Variants in FAM13A observed in about 807,000 individuals in gnomAD.
FAM13A encodes the protein protein FAM13A.
In FAM13A, 76 loss-of-function variants were observed where a neutral mutation model predicts 129.6. That is an observed-to-expected ratio of 0.59 (90% confidence interval 0.49 to 0.71). The LOEUF (loss-of-function observed/expected upper bound fraction) is 0.71. Among genes scored for constraint, FAM13A ranks in the 30% least tolerant of loss-of-function variants. The pLI is 0.00. For synonymous variants in FAM13A, 443 were observed against 449.9 expected, an observed-to-expected ratio of 0.98 and a Z score of 0.20; for missense variants, 1,108 against 1,249.3, an observed-to-expected ratio of 0.89 and a Z score of 1.70.
In FAM13A at chr4:88,758,916, C is replaced by T; in HGVS notation, c.1579-15G>A. 6.2e-7 allele frequency: 1 copy of T among 1,611,140 alleles called. No individual in the cohort carries two copies. Among genetic ancestry groups the T allele is most frequent in the Non-Finnish European group, 8.5e-7 (1 of 1,178,270 alleles). The stretch of plus-strand genomic sequence containing the variant: ...ATTGTGGGGCTCTGCAATAACAGCA[C>T]AATGTCCCCAAATATCTACTGCTCA... On this transcript the variant is annotated splice_polypyrimidine_tract_variant and intron_variant, in intron 13 of 23. Transcript: ENST00000264344.
chr4:88,939,899 T>C (rs867841274), intron 4 of FAM13A, among the ~76,000 whole-genome samples: 2 of 152,122 alleles, frequency 1.3e-5, no homozygotes, highest in Non-Finnish European at 2.9e-5. Context: ...TGCCAACAAC[T>C]TGAATGAGCT....
At chr4:88,894,696 A>G (rs946791395) in intron 6 of FAM13A, among the ~76,000 whole-genome samples, 10 of 152,026 alleles carry the variant, frequency 6.6e-5, no homozygotes, top group African/African-American at 2.2e-4. Context: ...TAATTTTTGT[A>G]TTTTGAGTAG....
chr4:88,934,147 TG>T (rs1273282807), intron 5 of FAM13A, among the ~76,000 whole-genome samples: 3 of 152,194 alleles, frequency 2.0e-5, no homozygotes, highest in Non-Finnish European at 4.4e-5. Context: ...AACGTTTTCT[TG>T]TCAATGAAGC....
At chr4:89,052,718 C>T (rs1006530862) in intron 1 of FAM13A, among the ~76,000 whole-genome samples, 1 of 152,032 alleles carries the variant, frequency 6.6e-6, no homozygotes, top group Non-Finnish European at 1.5e-5. Context: ...GTGTTCCCCA[C>T]CTAGAACTCT....
intron 19 of FAM13A, among the ~76,000 whole-genome samples, chr4:88,740,875 A>G (rs778276228): frequency 1.3e-5 from 2 of 152,228 alleles, no homozygotes; most frequent in Non-Finnish European, 2.9e-5. Context: ...TCTACTATGT[A>G]CTATACCATG....
At chr4:88,926,569 G>C (rs1017074225) in intron 5 of FAM13A, among the ~76,000 whole-genome samples, 5 of 152,148 alleles carry the variant, frequency 3.3e-5, no homozygotes, top group African/African-American at 4.8e-5. Flanking sequence ...TAATAGGAAA[G>C]AATGTAATAT....
intron 4 of FAM13A, among the ~76,000 whole-genome samples, chr4:88,981,499 C>A (rs1158115858): frequency 6.6e-6 from 1 of 152,152 alleles, no homozygotes; most frequent in Non-Finnish European, 1.5e-5. Flanking sequence ...AAATCTCTCA[C>A]CTAATCTTAA....
At chr4:88,986,943 T>C (rs1762310111) in intron 4 of FAM13A, among the ~76,000 whole-genome samples, 2 of 152,220 alleles carry the variant, frequency 1.3e-5, no homozygotes, top group Admixed American at 6.5e-5. Flanking sequence ...AAGACCTAGA[T>C]GCAAATAACT....
chr4:88,813,569 T>C (rs1041480701), intron 7 of FAM13A, among the ~76,000 whole-genome samples: 1 of 152,228 alleles, frequency 6.6e-6, no homozygotes, highest in African/African-American at 2.4e-5. Flanking sequence ...AATTATTACC[T>C]TATTGCAAAT....
At chr4:88,859,752 A>G (rs1328290906) in intron 6 of FAM13A, among the ~76,000 whole-genome samples, 2 of 152,158 alleles carry the variant, frequency 1.3e-5, no homozygotes, top group Non-Finnish European at 2.9e-5. Flanking sequence ...TAAGATAGGC[A>G]AGGAGTGGGT....
In FAM13A at chr4:89,053,792, A is replaced by C. The variant is rs118148495; in HGVS notation, c.27+3146T>G. Among the ~76,000 whole-genome samples the C allele has an allele frequency of 5.3e-4, 80 of 152,288 alleles. No homozygotes were observed. The East Asian group carries it at 0.015, about 28-fold the overall frequency. On this transcript the variant is annotated intron_variant, in intron 1 of 23. Transcript: ENST00000264344. ...TAATATCCAGAGTATAAGAATCTACACATGCATTTCAACTCCTCCTTCTTC... is the reference window on the plus strand; with the variant it reads ...TAATATCCAGAGTATAAGAATCTACCCATGCATTTCAACTCCTCCTTCTTC...
At chr4:88,904,010 G>T (rs917695939) in intron 6 of FAM13A, among the ~76,000 whole-genome samples, 1 of 152,098 alleles carries the variant, frequency 6.6e-6, no homozygotes, top group Non-Finnish European at 1.5e-5. Flanking sequence ...CAACAATCAG[G>T]AAAATAAGCT....
chr4:88,974,885 G>A (rs6838424), intron 4 of FAM13A, among the ~76,000 whole-genome samples: 55,287 of 151,862 alleles, frequency 0.36, 10,087 homozygotes, highest in Middle Eastern at 0.5. Context: ...AGTCAGCACA[G>A]TTAGCATCTC....
chr4:88,882,338 A>G (rs1743717878), intron 6 of FAM13A, among the ~76,000 whole-genome samples: 1 of 152,162 alleles, frequency 6.6e-6, no homozygotes, highest in Admixed American at 6.5e-5. Context: ...AGACTGCTTA[A>G]ACAAAGTAAT....
chr4:88,854,721 G>A (rs992382691), intron 6 of FAM13A, among the ~76,000 whole-genome samples: 1 of 152,176 alleles, frequency 6.6e-6, no homozygotes, highest in Non-Finnish European at 1.5e-5. Flanking sequence ...AACAATTACA[G>A]GAATCTCAAA....
intron 5 of FAM13A, among the ~76,000 whole-genome samples, chr4:88,913,022 GGAA>G (rs60618273): frequency 0.25 from 36,591 of 147,512 alleles, 4,587 homozygotes; most frequent in East Asian, 0.44. Context: ...AGGAGGAGGA[GGAA>G]GAAGAAGAAG....
intron 5 of FAM13A, among the ~76,000 whole-genome samples, chr4:88,916,390 G>T (rs1182622227): frequency 6.6e-6 from 1 of 152,038 alleles, no homozygotes; most frequent in African/African-American, 2.4e-5. Context: ...ATCAAAAAAA[G>T]CTTTCCCTAG....
At chr4:88,923,985 C>G (rs1489354499) in intron 5 of FAM13A, among the ~76,000 whole-genome samples, 1 of 152,132 alleles carries the variant, frequency 6.6e-6, no homozygotes, top group African/African-American at 2.4e-5. Context: ...ACCTAGGAAT[C>G]CAACTTACAA....
chr4:88,850,709 A>G (rs1737420970), intron 7 of FAM13A, among the ~76,000 whole-genome samples: 1 of 152,220 alleles, frequency 6.6e-6, no homozygotes, highest in Non-Finnish European at 1.5e-5. Flanking sequence ...TAAATTGCAG[A>G]TATTTTCTAC....
Sources: allele counts gnomAD v4.1 joint callset (sites outside exome capture counted in the v4.1 genomes callset), GRCh38; gene constraint gnomAD v4.1.1; transcripts MANE v1.5; gene names NCBI Gene and HGNC (gene_info 2026-07-23, HGNC 2026-07-21).